The following ACR variants were observed in gnomAD, a reference collection of about 807,000 sequenced individuals.
ACR encodes the protein acrosin light and heavy chain prepropeptide.
Under a neutral mutation model 26.0 loss-of-function variants are expected in ACR, and 17 were observed. The observed-to-expected ratio is 0.65, with a 90% confidence interval of 0.45 to 0.98. The LOEUF is 0.98. Among genes scored for constraint, ACR ranks in the 50% least tolerant of loss-of-function variants. The pLI is 0.00. For missense variants in ACR, 435 were observed against 519.3 expected, an observed-to-expected ratio of 0.84 and a Z score of 1.58; for synonymous variants, 199 against 207.7, an observed-to-expected ratio of 0.96 and a Z score of 0.36.
chr22:50,745,046 C>T lies in ACR; in HGVS notation c.1105C>T (p.Pro369Ser). 9 of 646,544 alleles carry T rather than the reference C, an allele frequency of 1.4e-5. No homozygotes were observed. Among genetic ancestry groups the T allele is most frequent in the Non-Finnish European group, 2.1e-5 (9 of 420,466 alleles). The allele number at this position is 646,544 out of a possible 1,614,324, so 40.1% of individuals were successfully genotyped here. A position where few individuals can be genotyped will look rare whatever the true frequency, so the allele number is the denominator to read the frequency against. Residue 369 changes from proline to serine, a missense_variant, in exon 5 of 5, where the codon CCA (proline) becomes TCA (serine). Physicochemically the swap from Pro to Ser is moderately conservative, Grantham distance 74. Transcript: ENST00000216139. ...SPLPPPPPPP[P>S]PTPSSTTKLP... Reference sequence around the variant, plus strand: ...TTTACCCCCACCCCCACCCCCACCCCCACCTACACCCTCATCTACCACAAA... The same window carrying T: ...TTTACCCCCACCCCCACCCCCACCCTCACCTACACCCTCATCTACCACAAA...
chr22:50,743,067 G>C (rs1478276195), intron 3 of ACR, among the ~76,000 whole-genome samples: 3 of 151,898 alleles, frequency 2.0e-5, no homozygotes, highest in Non-Finnish European at 2.9e-5. Flanking sequence ...ACGGAGTCTC[G>C]CTCTGTGGCC....
intron 3 of ACR, among the ~76,000 whole-genome samples, chr22:50,742,712 C>T (rs563164882): frequency 2.6e-5 from 4 of 152,160 alleles, no homozygotes; most frequent in East Asian, 1.9e-4. Flanking sequence ...GGAAAGCCAG[C>T]GAGCACTCGT....
Position 50,744,955 on chromosome 22 carries a change from A to G in ACR, c.1014A>G (p.Arg338=). 2 of 1,379,866 alleles carry G rather than the reference A, an allele frequency of 1.4e-6. No homozygotes were observed. Among genetic ancestry groups the G allele is most frequent in the Non-Finnish European group, 1.9e-6 (2 of 1,047,022 alleles). 85.5% of individuals were successfully genotyped at this position (1,379,866 alleles called of 1,614,324 possible). A position where few individuals can be genotyped will look rare whatever the true frequency, so the allele number is the denominator to read the frequency against. Residue 338 remains arginine, a synonymous_variant, in exon 5 of 5, where the codon CGA becomes CGG. Coordinates refer to ENST00000216139, the MANE Select transcript of ACR (RefSeq NM_001097.3). Reference sequence around the variant, plus strand: ...CGCCCCCTCGACCACTTCCACCCCGACCACCGGCAGCCCAGCCCCGACCCC... The same window carrying G: ...CGCCCCCTCGACCACTTCCACCCCGGCCACCGGCAGCCCAGCCCCGACCCC... ...FQPPPRPLPP[R]PPAAQPRPPP...
Position 50,739,653 on chromosome 22 carries a change from T to G in ACR, c.282-41T>G, listed in dbSNP as rs553429158. 3.2e-5 allele frequency: 49 copies of G among 1,539,784 alleles called. No individual in the cohort carries two copies. Among genetic ancestry groups the G allele is most frequent in the Non-Finnish European group, 4.3e-5 (49 of 1,143,936 alleles). On this transcript the variant is annotated intron_variant, in intron 2 of 4. Transcript: ENST00000216139. The surrounding 1 kb of genome is among the most constrained non-coding windows in gnomAD (Gnocchi z 5.5). The stretch of plus-strand genomic sequence containing the variant: ...CTGAGGGTCGCTGTCACCAGGCTTT[T>G]GTCCAGCCGGTTGTGACCTGGCTTA...
chr22:50,741,312 G>A lies in ACR; in HGVS notation c.565+1335G>A, dbSNP rs539860870. Reference sequence around the variant, plus strand: ...TGTTCTCACTGGCCTCACTTGACACGTGGCCATCCCCTTCTGGCCTGGAGT... The same window carrying A: ...TGTTCTCACTGGCCTCACTTGACACATGGCCATCCCCTTCTGGCCTGGAGT... On this transcript the variant is annotated intron_variant, in intron 3 of 4. Transcript: ENST00000216139. Among the ~76,000 whole-genome samples the A allele has an allele frequency of 1.2e-4, 19 of 152,152 alleles. No individual in the cohort carries two copies. In the South Asian group the frequency reaches 3.8e-3, roughly 30 times the overall value.
chr22:50,743,789 G>T (rs2083437145), intron 3 of ACR, among the ~76,000 whole-genome samples: 1 of 152,070 alleles, frequency 6.6e-6, no homozygotes, highest in African/African-American at 2.4e-5. Context: ...TCGTTAATAC[G>T]CACACCCACC....
At position 50,739,518 on chromosome 22, in the gene ACR, T is replaced by G. The variant is rs2083414615; in HGVS notation, c.281+44T>G. ...TGAGGGAGGTCTTCAGAACGGCTCT[T>G]CTCAGAGAGGGGCGTTCCCCGGGGA... On this transcript the variant is annotated intron_variant, in intron 2 of 4. Coordinates refer to ENST00000216139, the MANE Select transcript of ACR (RefSeq NM_001097.3). This position sits in a 1 kb window ranked among gnomAD's most constrained non-coding sequence, Gnocchi z 5.5. The G allele has an allele frequency of 6.2e-7, 1 of 1,608,162 alleles. No homozygotes were observed. The highest frequency in any genetic ancestry group is 1.1e-5 in the South Asian group (1 of 90,858).
chr22:50,741,326 C>T (rs558096087), intron 3 of ACR, among the ~76,000 whole-genome samples: 1 of 152,202 alleles, frequency 6.6e-6, no homozygotes, highest in African/African-American at 2.4e-5. Context: ...CCATCCCCTT[C>T]TGGCCTGGAG....
Position 50,745,027 on chromosome 22 carries a change from C to T in ACR, c.1086C>T (p.Pro362=). 4.1e-6 allele frequency: 2 copies of T among 491,878 alleles called. No individual in the cohort carries two copies. Among genetic ancestry groups the T allele is most frequent in the Non-Finnish European group, 6.6e-6 (2 of 304,678 alleles). 30.5% of individuals were successfully genotyped at this position (491,878 alleles called of 1,614,324 possible). A position where few individuals can be genotyped will look rare whatever the true frequency, so the allele number is the denominator to read the frequency against. ...PPPPPPASPL[P]PPPPPPPPTP... ...CCCCACCTCCAGCCTCACCTTTACC[C>T]CCACCCCCACCCCCACCCCCACCTA... is the stretch of plus-strand genomic sequence containing the variant. Residue 362 remains proline, a synonymous_variant, in exon 5 of 5, where the codon CCC becomes CCT. Transcript: ENST00000216139.
In ACR at chr22:50,739,999, A is replaced by AG; in HGVS notation, c.565+28dup. On this transcript the variant is annotated intron_variant, in intron 3 of 4. Coordinates refer to ENST00000216139, the MANE Select transcript of ACR (RefSeq NM_001097.3). This position sits in a 1 kb window ranked among gnomAD's most constrained non-coding sequence, Gnocchi z 5.5. ...AAAGGTGAGTATGGGAGCGCCTCCA[A>AG]GGGGGGACGCTGCTGGCCATTCTCC... 3 of 1,612,410 alleles carry AG rather than the reference A, an allele frequency of 1.9e-6. No individual in the cohort carries two copies. The highest frequency in any genetic ancestry group is 2.2e-5 in the East Asian group (1 of 44,866).
At chr22:50,740,442 A>G in intron 3 of ACR, 1 of 612,982 alleles carries the variant, frequency 1.6e-6, no homozygotes, top group Admixed American at 2.6e-5. Flanking sequence ...CTGTGATTCC[A>G]GGGCCCAGCC....
At chr22:50,740,384 A>G in intron 3 of ACR, 1 of 587,796 alleles carries the variant, frequency 1.7e-6, no homozygotes, top group East Asian at 2.8e-5. Context: ...TCATCTGTAA[A>G]TGGAGGGGCT....
chr22:50,739,123 C>T lies in ACR; in HGVS notation c.78-148C>T, dbSNP rs868395373. ...ATTTCCTAGAGCCTGCGGCTTCCTA[C>T]ATAGCGCAGGCTGCCCCTGCTTTCC... On this transcript the variant is annotated intron_variant, in intron 1 of 4. Transcript: ENST00000216139. The surrounding 1 kb of genome is among the most constrained non-coding windows in gnomAD (Gnocchi z 5.5). The T allele has an allele frequency of 1.8e-4, 121 of 680,908 alleles. 2 individuals are homozygous for T. The highest frequency in any genetic ancestry group is 1.3e-3 in the South Asian group (73 of 55,032). The allele number at this position is 680,908 out of a possible 1,614,324, so 42.2% of individuals were successfully genotyped here. A position where few individuals can be genotyped will look rare whatever the true frequency, so the allele number is the denominator to read the frequency against.
At chr22:50,744,489 A>G in intron 4 of ACR, 164 bp from the exon 5 acceptor site, 2 of 1,127,838 alleles carry the variant, frequency 1.8e-6, no homozygotes, top group East Asian at 2.6e-5. Context: ...CTCACATCCC[A>G]AATGAAGCCC....
intron 3 of ACR, among the ~76,000 whole-genome samples, chr22:50,743,085 G>A (rs2083432559): frequency 6.6e-6 from 1 of 151,710 alleles, no homozygotes; most frequent in Non-Finnish European, 1.5e-5. Context: ...GCCCGGGCTG[G>A]AGTGCAGTGG....
rs185375060 is a variant in ACR at position 50,739,213 on chromosome 22, G to A, written c.78-58G>A. ...GTCCCTGCCTCCCCTCAGTTGTGGA[G>A]TTACAAGGACAGGCTGTGCTCATGC... On this transcript the variant is annotated intron_variant, in intron 1 of 4. Coordinates refer to ENST00000216139, the MANE Select transcript of ACR (RefSeq NM_001097.3). This position sits in a 1 kb window ranked among gnomAD's most constrained non-coding sequence, Gnocchi z 5.5. 470 of 1,468,178 alleles carry A rather than the reference G, an allele frequency of 3.2e-4. 1 individual carries two copies. In the African/African-American group the frequency reaches 5.9e-3, roughly 18 times the overall value. 90.9% of individuals were successfully genotyped at this position (1,468,178 alleles called of 1,614,324 possible).
rs1263066412 is a variant in ACR at position 50,739,612 on chromosome 22, T to C, written c.282-82T>C. On this transcript the variant is annotated intron_variant, in intron 2 of 4. Coordinates refer to ENST00000216139, the MANE Select transcript of ACR (RefSeq NM_001097.3). This position sits in a 1 kb window ranked among gnomAD's most constrained non-coding sequence, Gnocchi z 5.5. ...AGACTCCGGGGGCTGGTCCAGACCTTTGCTAGGGGAAGGCCCTGAGGGTCG... is the reference window on the plus strand; with the variant it reads ...AGACTCCGGGGGCTGGTCCAGACCTCTGCTAGGGGAAGGCCCTGAGGGTCG... 21 of 1,551,194 alleles carry C rather than the reference T, an allele frequency of 1.4e-5. No homozygotes were observed. The highest frequency in any genetic ancestry group is 1.7e-4 in the Middle Eastern group (1 of 5,730).
intron 4 of ACR, 65 bp downstream of exon 4, chr22:50,744,271 T>C: frequency 2.2e-6 from 3 of 1,374,504 alleles, no homozygotes; most frequent in Non-Finnish European, 3.1e-6. Flanking sequence ...CCTGAGAACA[T>C]CCTCCTTTTG....
chr22:50,739,500 G>A lies in ACR; in HGVS notation c.281+26G>A, dbSNP rs77313877. The A allele has an allele frequency of 3.7e-3, 6,017 of 1,613,238 alleles. 171 individuals carry two copies. The African/African-American group carries it at 0.068, about 18-fold the overall frequency. ...GTACGTGTAGGGATGCACTGAGGGA[G>A]GTCTTCAGAACGGCTCTTCTCAGAG... On this transcript the variant is annotated intron_variant, in intron 2 of 4. Coordinates refer to ENST00000216139, the MANE Select transcript of ACR (RefSeq NM_001097.3). This position sits in a 1 kb window ranked among gnomAD's most constrained non-coding sequence, Gnocchi z 5.5.
Sources: allele counts gnomAD v4.1 joint callset (sites outside exome capture counted in the v4.1 genomes callset), GRCh38; gene constraint gnomAD v4.1.1; non-coding constraint Gnocchi (gnomAD v3.1); transcripts MANE v1.5; gene names NCBI Gene and HGNC (gene_info 2026-07-23, HGNC 2026-07-21).